SCARF2: variants seen among roughly 807,000 people sequenced by gnomAD.
SCARF2 encodes scavenger receptor expressed by endothelial cells 2 protein.
Under a neutral mutation model 73.4 loss-of-function variants are expected in SCARF2, and 39 were observed. The ratio of observed to expected loss-of-function variants is 0.53; its 90% CI spans 0.41 to 0.69. SCARF2 has a LOEUF of 0.69. Among genes scored for constraint, SCARF2 ranks in the 30% least tolerant of loss-of-function variants. The pLI is 0.00. For synonymous variants in SCARF2, 605 were observed against 590.0 expected, an observed-to-expected ratio of 1.03 and a Z score of -0.37; for missense variants, 1,148 against 1,303.5, an observed-to-expected ratio of 0.88 and a Z score of 1.84.
intron 1 of SCARF2, 62 bp from the exon 2 acceptor site, chr22:20,432,050 GCTCCTCCGCAGCCTCCGCACAGC>G (rs1271137475): frequency 1.3e-6 from 2 of 1,520,412 alleles, no homozygotes; most frequent in African/African-American, 2.7e-5. Flanking sequence ...TCTGCTCCGG[GCTCCTCCGCAGCCTCCGCACAGC>G]CTCCCTGCCT....
At chr22:20,426,397 C>T (rs1437691514) in intron 10 of SCARF2, 115 bp from the exon 11 acceptor site, 11 of 1,179,656 alleles carry the variant, frequency 9.3e-6, no homozygotes, top group Non-Finnish European at 1.1e-5. Context: ...CACTGTGTCA[C>T]CCTGGCATCT....
At chr22:20,432,072 G>T in intron 1 of SCARF2, 84 bp from the exon 2 acceptor site, 3 of 1,362,968 alleles carry the variant, frequency 2.2e-6, no homozygotes, top group Non-Finnish European at 3.0e-6. Flanking sequence ...CCTCCGCACA[G>T]CCTCCCTGCC....
chr22:20,427,365 G>T, intron 10 of SCARF2, 33 bp downstream of exon 10: 1 of 1,613,058 alleles, frequency 6.2e-7, no homozygotes, highest in Non-Finnish European at 8.5e-7. Context: ...ATTTCACTGG[G>T]CTGGAGTGAT....
Position 20,425,108 on chromosome 22 carries a change from C to A in SCARF2, c.*267G>T, listed in dbSNP as rs1048586440. On this transcript the variant is annotated 3_prime_UTR_variant, in exon 11 of 11. Transcript: ENST00000622235. This position sits in a 1 kb window ranked among gnomAD's most constrained non-coding sequence, Gnocchi z 4.6. ...TTTGGCCAATGAGACGCTGTCTGGT[C>A]GGAGCGCTCCATAACTCGGCCAATG... 3 of 383,048 alleles carry A rather than the reference C, an allele frequency of 7.8e-6. No homozygotes were observed. The highest frequency in any genetic ancestry group is 1.4e-5 in the Non-Finnish European group (3 of 216,312). The allele number at this position is 383,048 out of a possible 1,614,324, so 23.7% of individuals were successfully genotyped here. A position where few individuals can be genotyped will look rare whatever the true frequency, so the allele number is the denominator to read the frequency against.
At position 20,425,267 on chromosome 22, in the gene SCARF2, C is replaced by T; in HGVS notation, c.*108G>A. On this transcript the variant is annotated 3_prime_UTR_variant, in exon 11 of 11. Coordinates refer to ENST00000622235, the MANE Select transcript of SCARF2 (RefSeq NM_182895.5). This position sits in a 1 kb window ranked among gnomAD's most constrained non-coding sequence, Gnocchi z 4.6. ...TGAGACGCAACCTCCGCTAGCCGCG[C>T]GGTGCCCGGCCAATAGGAGGCCGCC... 2 of 951,472 alleles carry T rather than the reference C, an allele frequency of 2.1e-6. No homozygotes were observed. The highest frequency in any genetic ancestry group is 2.8e-6 in the Non-Finnish European group (2 of 713,564). The allele number at this position is 951,472 out of a possible 1,614,324, so 58.9% of individuals were successfully genotyped here.
In SCARF2 at chr22:20,425,538, G is replaced by T; in HGVS notation, c.2438C>A (p.Ala813Asp). 7.4e-7 allele frequency: 1 copy of T among 1,342,692 alleles called. No individual in the cohort carries two copies. The highest frequency in any genetic ancestry group is 9.5e-7 in the Non-Finnish European group (1 of 1,050,164). 83.2% of individuals were successfully genotyped at this position (1,342,692 alleles called of 1,614,324 possible). Residue 813 changes from alanine to aspartate, a missense_variant, in exon 11 of 11, where the codon GCC (alanine) becomes GAC (aspartate). By Grantham distance (126) the Ala-to-Asp change is moderately radical. Around this residue, in one of 5 missense-constraint regions of SCARF2, gnomAD observed 169 missense variants for 136.9 expected, o/e 1.23. Transcript: ENST00000622235. The surrounding 1 kb of genome is among the most constrained non-coding windows in gnomAD (Gnocchi z 4.6). ...GGTTTCGGTCGCTGGGGGCGCGCGG[G>T]CGGGCGAGGCTGGCGGCACGGAGCG... ...AKRSVPPASP[A>D]RAPPATETPG...
At chr22:20,432,127 T>C in intron 1 of SCARF2, 139 bp from the exon 2 acceptor site, 1 of 876,130 alleles carries the variant, frequency 1.1e-6, no homozygotes, top group Non-Finnish European at 1.8e-6. Flanking sequence ...AATGAGGTCC[T>C]GCCAGGCAGT....
intron 6 of SCARF2, 139 bp downstream of exon 6, chr22:20,430,289 TA>T: frequency 1.9e-6 from 2 of 1,068,500 alleles, no homozygotes; most frequent in South Asian, 3.3e-5. Flanking sequence ...CCAAAGAGCC[TA>T]CTGTCACTCC....
At chr22:20,431,624 C>A in intron 3 of SCARF2, 87 bp from the exon 4 acceptor site, 2 of 1,541,904 alleles carry the variant, frequency 1.3e-6, no homozygotes, top group Non-Finnish European at 1.8e-6. Context: ...GTCCCGCACT[C>A]CAGCCGCCAC....
chr22:20,427,639 G>T (rs2052595728), intron 9 of SCARF2, 89 bp from the exon 10 acceptor site: 3 of 1,500,232 alleles, frequency 2.0e-6, no homozygotes, highest in African/African-American at 2.7e-5. Context: ...TGTTGATGGG[G>T]TGACCAAGAC....
At chr22:20,428,942 G>A (rs1191600808) in intron 9 of SCARF2, among the ~76,000 whole-genome samples, 1 of 152,110 alleles carries the variant, frequency 6.6e-6, no homozygotes. Flanking sequence ...GCGGGACCCA[G>A]ATGTCCACAC....
chr22:20,437,384 G>A (rs961233738), intron 1 of SCARF2, among the ~76,000 whole-genome samples, 198 bp downstream of exon 1: 2 of 152,254 alleles, frequency 1.3e-5, no homozygotes, highest in East Asian at 3.9e-4. Context: ...GTGACTTCTC[G>A]TCCAGGGTTC....
In SCARF2 at chr22:20,429,439, T is replaced by C; in HGVS notation, c.1424+97A>G. The C allele has an allele frequency of 6.4e-7, 1 of 1,565,886 alleles. No individual in the cohort carries two copies. ...CAAGCACAGAAGGGGCGGGGCCACG[T>C]CCGGGGCAGGGGCGCGGAAGGGTTG... On this transcript the variant is annotated intron_variant, in intron 8 of 10. Coordinates refer to ENST00000622235, the MANE Select transcript of SCARF2 (RefSeq NM_182895.5). This position sits in a 1 kb window ranked among gnomAD's most constrained non-coding sequence, Gnocchi z 5.2.
In SCARF2 at chr22:20,429,776, G is replaced by T. The variant is rs775554486; in HGVS notation, c.1260C>A (p.Ser420Arg). Reference sequence around the variant, plus strand: ...CCGGGTCGCACGTGTCCTCGTGGCAGCTGCAGGCCTGAGCACAGTCCGCGC... The same window carrying T: ...CCGGGTCGCACGTGTCCTCGTGGCATCTGCAGGCCTGAGCACAGTCCGCGC... ...LHGADCAQAC[S>R]CHEDTCDPVT... The change falls in exon 7 of 11, where the codon AGC (serine) becomes AGA (arginine). Residue 420 changes from serine (S) to arginine (R), a missense_variant. Physicochemically the swap from Ser to Arg is moderately radical, Grantham distance 110 (BLOSUM62 -1). Transcript: ENST00000622235. The surrounding 1 kb of genome is among the most constrained non-coding windows in gnomAD (Gnocchi z 5.2). 1 of 1,613,610 alleles carries T rather than the reference G, an allele frequency of 6.2e-7. No homozygotes were observed. Among genetic ancestry groups the T allele is most frequent in the South Asian group, 1.1e-5 (1 of 91,086 alleles).
chr22:20,429,858 T>C lies in SCARF2; in HGVS notation c.1203-25A>G, dbSNP rs369456478. ...GCTGCCGGGACATAGGGTCAAGGCA[T>C]GCCACAGCCGCCCCCCTAGGATGCC... On this transcript the variant is annotated intron_variant, in intron 6 of 10. Transcript: ENST00000622235. This position sits in a 1 kb window ranked among gnomAD's most constrained non-coding sequence, Gnocchi z 5.2. 25 of 1,608,494 alleles carry C rather than the reference T, an allele frequency of 1.6e-5. No homozygotes were observed. The African/African-American group carries it at 1.9e-4, about 12-fold the overall frequency.
At chr22:20,437,445 C>T (rs887647976) in intron 1 of SCARF2, 137 bp downstream of exon 1, 1 of 933,278 alleles carries the variant, frequency 1.1e-6, no homozygotes, top group Non-Finnish European at 1.5e-6. Context: ...TGGAACGGAG[C>T]CGCGCTGGCT....
rs882745 is a variant in SCARF2, at chr22:20,429,930, C to T, written c.1203-97G>A. 277,507 of 1,229,466 alleles carry T rather than the reference C, an allele frequency of 0.23. 35,263 individuals are homozygous for T. Among genetic ancestry groups the T allele is most frequent in the Non-Finnish European group, 0.26 (229,109 of 872,210 alleles). 76.2% of individuals were successfully genotyped at this position (1,229,466 alleles called of 1,614,324 possible). ...GCGGCCAGGGCCCAGGGTCCAGGGT[C>T]CCAGAACCGGGCTCTCTCTCGCTGC... On this transcript the variant is annotated intron_variant, in intron 6 of 10. Coordinates refer to ENST00000622235, the MANE Select transcript of SCARF2 (RefSeq NM_182895.5). This position sits in a 1 kb window ranked among gnomAD's most constrained non-coding sequence, Gnocchi z 5.2.
At position 20,430,916 on chromosome 22, in the gene SCARF2, A is replaced by G. The variant is rs1043841701; in HGVS notation, c.855-8T>C. On this transcript the variant is annotated splice_polypyrimidine_tract_variant and splice_region_variant and intron_variant, in intron 4 of 10. Transcript: ENST00000622235. ...CCCTTGCACTGGCCACACCTGGGGG[A>G]GGGGTCGGAGGCTAGGGAAGGCTGG... 1.3e-6 allele frequency: 2 copies of G among 1,579,120 alleles called. No individual in the cohort carries two copies. Among genetic ancestry groups the G allele is most frequent in the Non-Finnish European group, 1.7e-6 (2 of 1,165,412 alleles).
Position 20,429,616 on chromosome 22 carries a change from C to T in SCARF2, c.1344G>A (p.Ala448=). Residue 448 remains alanine (A), a synonymous_variant, in exon 8 of 11, where the codon GCG becomes GCA. Coordinates refer to ENST00000622235, the MANE Select transcript of SCARF2 (RefSeq NM_182895.5). The surrounding 1 kb of genome is among the most constrained non-coding windows in gnomAD (Gnocchi z 5.2). ...NQRKGVMGAG[A]LLVLLVCLLL... ...GCAGGCAGACGAGCAGGACGAGCAG[C>T]GCGCCCGCGCCCATCACGCCCTTGC... The T allele has an allele frequency of 6.2e-7, 1 of 1,613,746 alleles. No individual in the cohort carries two copies. The highest frequency in any genetic ancestry group is 8.5e-7 in the Non-Finnish European group (1 of 1,179,928).
Sources: allele counts gnomAD v4.1 joint callset (sites outside exome capture counted in the v4.1 genomes callset), GRCh38; gene constraint gnomAD v4.1.1; regional missense constraint gnomAD v4.1.1; non-coding constraint Gnocchi (gnomAD v3.1); transcripts MANE v1.5; gene names NCBI Gene and HGNC (gene_info 2026-07-23, HGNC 2026-07-21).